USP3: variants seen among roughly 807,000 people sequenced by gnomAD.
The protein encoded by USP3 is ubiquitin carboxyl-terminal hydrolase 3.
USP3 carries 20 observed loss-of-function variants against 72.3 expected under a neutral mutation model. The ratio of observed to expected loss-of-function variants is 0.28; its 90% CI spans 0.19 to 0.40. USP3 has a LOEUF of 0.40. USP3 is among the 10% of genes least tolerant of loss of function. The pLI is 1.00. For synonymous variants in USP3, 222 were observed against 225.3 expected, an observed-to-expected ratio of 0.99 and a Z score of 0.13; for missense variants, 479 against 633.9, an observed-to-expected ratio of 0.76 and a Z score of 2.62.
Position 63,591,309 on chromosome 15 carries a change from T to C in USP3, c.*483T>C, listed in dbSNP as rs1566923323. 6.5e-6 allele frequency: 1 copy of C among 153,132 alleles called. No individual in the cohort carries two copies. Among genetic ancestry groups the C allele is most frequent in the East Asian group, 1.9e-4 (1 of 5,206 alleles). 9.5% of individuals were successfully genotyped at this position (153,132 alleles called of 1,614,324 possible). A position where few individuals can be genotyped will look rare whatever the true frequency, so the allele number is the denominator to read the frequency against. On this transcript the variant is annotated 3_prime_UTR_variant, in exon 15 of 15. Coordinates refer to ENST00000380324, the MANE Select transcript of USP3 (RefSeq NM_006537.4). ...ACTTGTGGCCCACAAAATTTCACAA[T>C]GACTGCTGAGGAATCATTCTTTTTG... is the stretch of plus-strand genomic sequence containing the variant.
chr15:63,528,880 T>G lies in USP3; in HGVS notation c.92-3767T>G. 1 of 487,470 alleles carries G rather than the reference T, an allele frequency of 2.1e-6. No homozygotes were observed. The highest frequency in any genetic ancestry group is 2.5e-5 in the South Asian group (1 of 39,706). 30.2% of individuals were successfully genotyped at this position (487,470 alleles called of 1,614,324 possible). A position where few individuals can be genotyped will look rare whatever the true frequency, so the allele number is the denominator to read the frequency against. On this transcript the variant is annotated intron_variant, in intron 1 of 14. Coordinates refer to ENST00000380324, the MANE Select transcript of USP3 (RefSeq NM_006537.4). This position sits in a 1 kb window ranked among gnomAD's most constrained non-coding sequence, Gnocchi z 4.3. ...AAAGCCAGTGTTTTTCAGTCTATTT[T>G]ATATTTGTCCTGGGTACATTAAAGG...
rs188615203 is a variant in USP3 at position 63,529,781 on chromosome 15, G to T, written c.92-2866G>T. On this transcript the variant is annotated intron_variant, in intron 1 of 14. Coordinates refer to ENST00000380324, the MANE Select transcript of USP3 (RefSeq NM_006537.4). This position sits in a 1 kb window ranked among gnomAD's most constrained non-coding sequence, Gnocchi z 4.2. ...TTCTGCTCCAGATTTCTTTTTCCTC[G>T]TACAAAGGAGGGACAAAAATCCTCC... 1.8e-4 allele frequency among the ~76,000 whole-genome samples: 27 copies of T among 152,238 alleles called. No homozygotes were observed. The highest frequency in any genetic ancestry group is 3.4e-3 in the Middle Eastern group (1 of 294).
At chr15:63,533,017 G>A (rs763518079) in intron 2 of USP3, among the ~76,000 whole-genome samples, 83 of 152,160 alleles carry the variant, frequency 5.5e-4, no homozygotes, top group Non-Finnish European at 9.3e-4. Flanking sequence ...CCTAATGGTT[G>A]TTTTTTAAAC....
In USP3 at chr15:63,544,970, A is replaced by G. The variant is rs1194436536; in HGVS notation, c.284+7814A>G. Among the ~76,000 whole-genome samples, 1 of 152,194 alleles carries G rather than the reference A, an allele frequency of 6.6e-6. No homozygotes were observed. Among genetic ancestry groups the G allele is most frequent in the Admixed American group, 6.5e-5 (1 of 15,284 alleles). On this transcript the variant is annotated intron_variant, in intron 3 of 14. Coordinates refer to ENST00000380324, the MANE Select transcript of USP3 (RefSeq NM_006537.4). The surrounding 1 kb of genome is among the most constrained non-coding windows in gnomAD (Gnocchi z 4.2). ...GGAAATAACCAAAGTATAGAAAAGAATGTTCTTTGAAATGAAGAGAAAAAA... is the reference window on the plus strand; with the variant it reads ...GGAAATAACCAAAGTATAGAAAAGAGTGTTCTTTGAAATGAAGAGAAAAAA...
chr15:63,533,908 G>T, intron 2 of USP3: 1 of 1,156,744 alleles, frequency 8.6e-7, no homozygotes, highest in East Asian at 6.9e-5. Context: ...TCCTCTCCTA[G>T]ATTTTGAGAG....
At chr15:63,525,163 A>G (rs533195883) in intron 1 of USP3, among the ~76,000 whole-genome samples, 1 of 152,308 alleles carries the variant, frequency 6.6e-6, no homozygotes, top group African/African-American at 2.4e-5. Context: ...TGGAAAGGCA[A>G]CCAAGATAAA....
In USP3 at chr15:63,580,641, CATATATATATGAATATATA is replaced by C. The variant is rs749709583; in HGVS notation, c.1096+6266_1096+6284del. Among the ~76,000 whole-genome samples the C allele has an allele frequency of 7.3e-4, 36 of 49,552 alleles. 2 individuals are homozygous for C. The highest frequency in any genetic ancestry group is 1.6e-3 in the East Asian group (8 of 4,886). The allele number at this position is 49,552 out of a possible 152,430, so 32.5% of individuals were successfully genotyped here. A position where few individuals can be genotyped will look rare whatever the true frequency, so the allele number is the denominator to read the frequency against. ...ATCTTAAGAGTTTCAGAAAGTGGTG[CATATATATATGAATATATA>C]ATATATATATGAATATATAATATAT... On this transcript the variant is annotated intron_variant, in intron 11 of 14. Coordinates refer to ENST00000380324, the MANE Select transcript of USP3 (RefSeq NM_006537.4).
At chr15:63,569,038 C>T (rs1197032021) in intron 8 of USP3, among the ~76,000 whole-genome samples, 1 of 152,016 alleles carries the variant, frequency 6.6e-6, no homozygotes, top group Admixed American at 6.5e-5. Context: ...ATTGGTATAG[C>T]TATAAGGTGC....
intron 11 of USP3, chr15:63,586,829 T>C (rs1379360550): frequency 1.3e-5 from 2 of 152,200 alleles, no homozygotes; most frequent in East Asian, 3.8e-4. Flanking sequence ...TGAGAAAGTC[T>C]CAAAGAAGTG....
At chr15:63,526,133 A>G (rs917389323) in intron 1 of USP3, among the ~76,000 whole-genome samples, 1 of 152,220 alleles carries the variant, frequency 6.6e-6, no homozygotes, top group Non-Finnish European at 1.5e-5. Context: ...AGTGGCTCCT[A>G]TCCCCATGTT....
chr15:63,549,075 T>C (rs1272503843), intron 3 of USP3, among the ~76,000 whole-genome samples: 1 of 152,120 alleles, frequency 6.6e-6, no homozygotes, highest in Non-Finnish European at 1.5e-5. Context: ...TGTACATTTT[T>C]TTAACCCAGT....
chr15:63,523,263 G>T (rs1184497275), intron 1 of USP3, among the ~76,000 whole-genome samples: 1 of 152,162 alleles, frequency 6.6e-6, no homozygotes, highest in Non-Finnish European at 1.5e-5. Flanking sequence ...ACTTTATGTA[G>T]TTTATCTCAT....
chr15:63,583,610 A>G (rs961591555), intron 11 of USP3, among the ~76,000 whole-genome samples: 1 of 152,194 alleles, frequency 6.6e-6, no homozygotes, highest in African/African-American at 2.4e-5. Flanking sequence ...TCCTAAACAG[A>G]AACTCTGTAC....
intron 14 of USP3, among the ~76,000 whole-genome samples, chr15:63,590,266 A>T (rs1464605673): frequency 6.6e-6 from 1 of 152,172 alleles, no homozygotes; most frequent in South Asian, 2.1e-4. Context: ...TGTGTGTGTG[A>T]GTGGGTGGGT....
chr15:63,564,946 C>T (rs755100008), intron 8 of USP3, among the ~76,000 whole-genome samples: 19 of 152,148 alleles, frequency 1.2e-4, no homozygotes, highest in Non-Finnish European at 2.4e-4. Context: ...GGAGGTGGGG[C>T]TTGCTTTTTA....
intron 11 of USP3, among the ~76,000 whole-genome samples, chr15:63,584,930 A>G (rs564945772): frequency 3.9e-5 from 6 of 152,248 alleles, no homozygotes; most frequent in African/African-American, 1.4e-4. Flanking sequence ...AAATTTTTGT[A>G]TATGGTGTAA....
At chr15:63,575,090 C>G (rs1566914305) in intron 11 of USP3, among the ~76,000 whole-genome samples, 1 of 149,986 alleles carries the variant, frequency 6.7e-6, no homozygotes, top group Admixed American at 6.6e-5. Context: ...AGTTTCTACT[C>G]TGATTTGTAT....
At position 63,529,287 on chromosome 15, in the gene USP3, TATC is replaced by T. The variant is rs2066032728; in HGVS notation, c.92-3357_92-3355del. 2.7e-6 allele frequency: 1 copy of T among 371,054 alleles called. No individual in the cohort carries two copies. The highest frequency in any genetic ancestry group is 2.1e-5 in the African/African-American group (1 of 47,074). 23.0% of individuals were successfully genotyped at this position (371,054 alleles called of 1,614,324 possible). A position where few individuals can be genotyped will look rare whatever the true frequency, so the allele number is the denominator to read the frequency against. On this transcript the variant is annotated intron_variant, in intron 1 of 14. Coordinates refer to ENST00000380324, the MANE Select transcript of USP3 (RefSeq NM_006537.4). The surrounding 1 kb of genome is among the most constrained non-coding windows in gnomAD (Gnocchi z 4.2). ...TTTATTCCCTTTTACTTTCTCTCCT[TATC>T]ATTACGTATCTGTCTGTCTAATTGA... is the stretch of plus-strand genomic sequence containing the variant.
chr15:63,556,061 C>T (rs1380396200), intron 4 of USP3, among the ~76,000 whole-genome samples: 3 of 152,114 alleles, frequency 2.0e-5, no homozygotes, highest in African/African-American at 2.4e-5. Flanking sequence ...ATATTTCTTA[C>T]ATCAAGAAAA....
Sources: gnomAD v4.1 joint callset for allele counts (sites outside exome capture counted in the v4.1 genomes callset) on GRCh38, gnomAD v4.1.1 for gene constraint, Gnocchi (gnomAD v3.1) non-coding constraint, MANE v1.5 for transcripts, NCBI Gene and HGNC (gene_info 2026-07-23, HGNC 2026-07-21) for gene names.